GNL3: variants seen among roughly 807,000 people sequenced by gnomAD.
GNL3 encodes the protein guanine nucleotide-binding protein-like 3.
GNL3 carries 77 observed loss-of-function variants against 70.6 expected under a neutral mutation model. That is an observed-to-expected ratio of 1.09 (90% confidence interval 0.91 to 1.32). The LOEUF (loss-of-function observed/expected upper bound fraction) is 1.32, where lower values mean the gene tolerates loss of function less well. Among genes scored for constraint, GNL3 ranks in the 40% most tolerant of loss-of-function variants. GNL3 has a pLI of 0.00. For missense variants in GNL3, 634 were observed against 644.0 expected (o/e 0.98, Z 0.17); for synonymous variants, 252 against 216.1 (o/e 1.17, Z -1.46).
chr3:52,687,439 T>C, intron 3 of GNL3, 56 bp downstream of exon 3: 1 of 1,601,214 alleles, frequency 6.2e-7, no homozygotes, highest in Non-Finnish European at 8.6e-7. Flanking sequence ...ATGTGTGATA[T>C]TTTTCAGAGT....
rs747502579 is a variant in GNL3 at position 52,688,221 on chromosome 3, G to A, written c.408+29G>A. The A allele has an allele frequency of 2.0e-5, 25 of 1,261,726 alleles. 1 individual carries two copies. The South Asian group carries it at 2.8e-4, about 14-fold the overall frequency. 78.2% of individuals were successfully genotyped at this position (1,261,726 alleles called of 1,614,324 possible). ...TCTTAGCCTAGGTCAGTGTCTGACA[G>A]TAGTAATGAGGTTTAAAAGACTCAA... On this transcript the variant is annotated intron_variant, in intron 5 of 14. Transcript: ENST00000418458.
chr3:52,692,832 T>C (rs779467755), intron 9 of GNL3, 40 bp from the exon 10 acceptor site: 19 of 1,534,378 alleles, frequency 1.2e-5, no homozygotes, highest in Admixed American at 1.2e-4. Context: ...AACCTCCAAA[T>C]AGACCAATGC....
Position 52,691,635 on chromosome 3 carries a change from T to C in GNL3, c.869+6T>C. Reference sequence around the variant, plus strand: ...GTATCCATGGGGCTTACAAGGTAAATGGAGGTGTCCATAATTGTAATATTA... The same window carrying C: ...GTATCCATGGGGCTTACAAGGTAAACGGAGGTGTCCATAATTGTAATATTA... On this transcript the variant is annotated splice_donor_region_variant and intron_variant, in intron 9 of 14. Coordinates refer to ENST00000418458, the MANE Select transcript of GNL3 (RefSeq NM_014366.5). 2.1e-6 allele frequency: 3 copies of C among 1,435,076 alleles called. No individual in the cohort carries two copies. Among genetic ancestry groups the C allele is most frequent in the Middle Eastern group, 1.8e-4 (1 of 5,714 alleles). The allele number at this position is 1,435,076 out of a possible 1,614,324, so 88.9% of individuals were successfully genotyped here.
At chr3:52,692,646 T>C in intron 9 of GNL3, 1 of 676,682 alleles carries the variant, frequency 1.5e-6, no homozygotes, top group East Asian at 2.9e-5. Flanking sequence ...GCAAAGGAAA[T>C]AGCATGTGTT....
intron 2 of GNL3, 56 bp downstream of exon 2, chr3:52,686,883 C>A: frequency 7.5e-7 from 1 of 1,337,224 alleles, no homozygotes; most frequent in South Asian, 1.2e-5. Flanking sequence ...TGATTTTGCC[C>A]TGTTCCTTTG....
chr3:52,687,381 A>C lies in GNL3; in HGVS notation c.208A>C (p.Arg70=). ...TAGGGAAGCTGAGCTAAGGAAACAGAGGGTAAGTTATGTTAGCCAGAATTT... is the reference window on the plus strand; with the variant it reads ...TAGGGAAGCTGAGCTAAGGAAACAGCGGGTAAGTTATGTTAGCCAGAATTT... The part of the protein sequence containing the change: ...LLREAELRKQ[R]LEELKQQQKL... Residue 70 remains arginine (R), a splice_region_variant and synonymous_variant, in exon 3 of 15, where the codon AGG becomes CGG. Transcript: ENST00000418458. 1 of 1,613,248 alleles carries C rather than the reference A, an allele frequency of 6.2e-7. No homozygotes were observed. The highest frequency in any genetic ancestry group is 8.5e-7 in the Non-Finnish European group (1 of 1,179,694).
intron 8 of GNL3, 53 bp from the exon 9 acceptor site, chr3:52,691,489 A>G (rs1343234364): frequency 2.3e-5 from 24 of 1,061,130 alleles, no homozygotes; most frequent in South Asian, 7.8e-5. Context: ...TGAAAATTTC[A>G]TAAGTGCCAA....
chr3:52,692,624 G>A (rs1316030183), intron 9 of GNL3: 2 of 579,628 alleles, frequency 3.5e-6, no homozygotes, highest in Non-Finnish European at 6.6e-6. Flanking sequence ...GCCAGAAGGT[G>A]GCATATTTAT....
chr3:52,691,295 C>T (rs1043627994), intron 8 of GNL3: 13 of 606,834 alleles, frequency 2.1e-5, no homozygotes, highest in African/African-American at 1.7e-4. Context: ...TTTGTTGGGA[C>T]TGATTACTGT....
Position 52,692,926 on chromosome 3 carries a change from C to G in GNL3, c.924C>G (p.Ser308Arg), listed in dbSNP as rs147065672. Residue 308 changes from serine to arginine, a missense_variant, in exon 10 of 15, where the codon AGC becomes AGG. Transcript: ENST00000418458. The part of the protein sequence containing the change: ...DKQITIIDSP[S>R]FIVSPLNSSS... ...AGATCACAATCATAGATAGTCCGAGCTTCATCGTATCTCCACTTAATTCCT... is the reference window on the plus strand; with the variant it reads ...AGATCACAATCATAGATAGTCCGAGGTTCATCGTATCTCCACTTAATTCCT... The G allele has an allele frequency of 9.3e-4, 1,495 of 1,613,286 alleles. No homozygotes were observed. The highest frequency in any genetic ancestry group is 1.1e-3 in the Non-Finnish European group (1,299 of 1,179,234).
intron 8 of GNL3, 190 bp from the exon 9 acceptor site, chr3:52,691,352 T>A (rs993955029): frequency 3.9e-5 from 24 of 615,744 alleles, no homozygotes; most frequent in Non-Finnish European, 5.4e-5. Flanking sequence ...ATTTATAGTA[T>A]TTTCCTGCCT....
intron 1 of GNL3, 136 bp from the exon 2 acceptor site, chr3:52,686,633 T>C (rs938271219): frequency 1.5e-6 from 1 of 661,544 alleles, no homozygotes; most frequent in African/African-American, 1.8e-5. Context: ...AGCACGTATG[T>C]TTGCATTAGG....
At chr3:52,688,821 A>G (rs2097324600) in intron 5 of GNL3, 1 of 498,908 alleles carries the variant, frequency 2.0e-6, no homozygotes, top group Admixed American at 3.4e-5. Flanking sequence ...TCAGACAGGG[A>G]TATTTGCATT....
At position 52,693,674 on chromosome 3, in the gene GNL3, C is replaced by T. The variant is rs141147396; in HGVS notation, c.1367C>T (p.Ser456Phe). 6.2e-7 allele frequency: 1 copy of T among 1,614,102 alleles called. No homozygotes were observed. The highest frequency in any genetic ancestry group is 1.7e-5 in the Admixed American group (1 of 60,018). The change falls in exon 13 of 15, where the codon TCT becomes TTT. Residue 456 changes from serine (S) to phenylalanine (F), a missense_variant. Coordinates refer to ENST00000418458, the MANE Select transcript of GNL3 (RefSeq NM_014366.5). The stretch of plus-strand genomic sequence containing the variant: ...TTGGCCAATAGCATCCTTTTCCAGT[C>T]TTCCGGTCTGACAAATGGAATAATA... ...PHLANSILFQ[S>F]SGLTNGIIEE...
intron 10 of GNL3, 59 bp downstream of exon 10, chr3:52,693,105 T>A (rs1207129031): frequency 3.1e-6 from 5 of 1,600,194 alleles, no homozygotes; most frequent in Non-Finnish European, 4.3e-6. Context: ...ATAAGCATTT[T>A]GAGTAGAAAA....
intron 1 of GNL3, chr3:52,686,503 T>A (rs2097312759): frequency 1.7e-6 from 1 of 572,246 alleles, no homozygotes; most frequent in Non-Finnish European, 3.1e-6. Flanking sequence ...ACGAAGTGGT[T>A]GTCGTTTTGT....
chr3:52,693,089 TTCA>T, intron 10 of GNL3, 43 bp downstream of exon 10: 2 of 1,607,252 alleles, frequency 1.2e-6, no homozygotes, highest in East Asian at 2.2e-5. Flanking sequence ...GCCATCTTCT[TTCA>T]TCATAAGCAT....
At chr3:52,690,356 G>A (rs1195767892) in intron 6 of GNL3, among the ~76,000 whole-genome samples, 2 of 152,168 alleles carry the variant, frequency 1.3e-5, no homozygotes, top group East Asian at 1.9e-4. Context: ...TCCACCTCCC[G>A]GGTTCACGCC....
At position 52,690,911 on chromosome 3, in the gene GNL3, G is replaced by A. The variant is rs1342814562; in HGVS notation, c.655-34G>A. The A allele has an allele frequency of 2.5e-6, 4 of 1,609,466 alleles. No individual in the cohort carries two copies. In the Middle Eastern group the frequency reaches 4.9e-4, roughly 199 times the overall value. ...GGGTTTGTTGAAATTTATCAGGTAA[G>A]TTGCCAGAATAATTCAACTATTTGG... On this transcript the variant is annotated intron_variant, in intron 7 of 14. Coordinates refer to ENST00000418458, the MANE Select transcript of GNL3 (RefSeq NM_014366.5).
Sources: allele counts gnomAD v4.1 joint callset (sites outside exome capture counted in the v4.1 genomes callset), GRCh38; gene constraint gnomAD v4.1.1; transcripts MANE v1.5; gene names NCBI Gene and HGNC (gene_info 2026-07-23, HGNC 2026-07-21).